The following RHOA variants were observed in gnomAD, a reference collection of about 807,000 sequenced individuals.
RHOA encodes transforming protein RhoA.
A neutral mutation model predicts 17.5 loss-of-function variants in RHOA; 3 were observed. That is an observed-to-expected ratio of 0.17 (90% CI 0.08 to 0.44). The LOEUF is 0.44. Ranked by LOEUF, RHOA falls within the 20% of genes least tolerant of loss-of-function variation. RHOA has a pLI of 0.99. For synonymous variants in RHOA, 98 were observed against 88.4 expected (o/e 1.11, Z -0.61); for missense variants, 56 against 242.3 (o/e 0.23, Z 5.10).
intron 3 of RHOA, among the ~76,000 whole-genome samples, chr3:49,364,042 C>T (rs141370781): frequency 5.9e-4 from 89 of 151,494 alleles, no homozygotes; most frequent in African/African-American, 2.0e-3. Flanking sequence ...CAAAGTGAGA[C>T]TTCATCTCTT....
chr3:49,380,583 G>C (rs2107859034), intron 1 of RHOA, among the ~76,000 whole-genome samples: 1 of 151,496 alleles, frequency 6.6e-6, no homozygotes. Flanking sequence ...GGTGAGGCAA[G>C]AGAATCGCTT....
At chr3:49,399,739 C>A (rs980230556) in intron 1 of RHOA, among the ~76,000 whole-genome samples, 1 of 152,080 alleles carries the variant, frequency 6.6e-6, no homozygotes, top group Non-Finnish European at 1.5e-5. Context: ...AGAAACACAA[C>A]AGGTACCTCT....
At chr3:49,365,327 T>C (rs2048038381) in intron 3 of RHOA, 1 of 151,830 alleles carries the variant, frequency 6.6e-6, no homozygotes, top group South Asian at 2.1e-4. Flanking sequence ...GTATTTTTAG[T>C]AGAGACAGGG....
chr3:49,400,009 G>A (rs913234912), intron 1 of RHOA, among the ~76,000 whole-genome samples: 15 of 151,576 alleles, frequency 9.9e-5, no homozygotes, highest in Admixed American at 3.3e-4. Context: ...TCAGGAGTTC[G>A]AGACCAGCCT....
At chr3:49,408,175 A>AT (rs1177222331) in intron 1 of RHOA, among the ~76,000 whole-genome samples, 52 of 146,590 alleles carry the variant, frequency 3.5e-4, no homozygotes, top group South Asian at 2.6e-3. Flanking sequence ...GAAAAAAAAA[A>AT]AAATATATAT....
In RHOA at chr3:49,411,957, G is replaced by T. The variant is rs980149011; in HGVS notation, c.-140C>A. ...AACCGACGGAGGACCGCGGGCGGCG[G>T]GAGGGTAGCGCGAGAGAGCGAGGGC... On this transcript the variant is annotated 5_prime_UTR_variant, in exon 1 of 5. Coordinates refer to ENST00000418115, the MANE Select transcript of RHOA (RefSeq NM_001664.4). The T allele has an allele frequency of 1.9e-3, 298 of 156,828 alleles. 2 individuals are homozygous for T. Among genetic ancestry groups the T allele is most frequent in the African/African-American group, 6.8e-3 (283 of 41,692 alleles). 9.7% of individuals were successfully genotyped at this position (156,828 alleles called of 1,614,324 possible).
intron 4 of RHOA, chr3:49,360,941 TG>T: frequency 2.7e-6 from 1 of 370,198 alleles, no homozygotes; most frequent in Non-Finnish European, 5.4e-6. Flanking sequence ...GGTGTGGTAG[TG>T]GGCGCCTGTA....
chr3:49,395,309 C>T (rs191232578), intron 1 of RHOA, among the ~76,000 whole-genome samples: 13 of 151,694 alleles, frequency 8.6e-5, no homozygotes, highest in African/African-American at 2.7e-4. Flanking sequence ...AAAGATGGGG[C>T]GATGGTTAGA....
intron 1 of RHOA, among the ~76,000 whole-genome samples, chr3:49,397,081 G>A (rs971112105): frequency 2.1e-5 from 3 of 143,932 alleles, no homozygotes; most frequent in African/African-American, 7.8e-5. Context: ...AGTGAGTAGT[G>A]ATCGAGACAC....
chr3:49,409,084 T>C (rs544795664), intron 1 of RHOA, among the ~76,000 whole-genome samples: 1 of 148,222 alleles, frequency 6.7e-6, no homozygotes, highest in South Asian at 2.2e-4. Flanking sequence ...CACCGCGCCC[T>C]GCCAGGATCC....
chr3:49,407,303 T>G (rs2048850048), intron 1 of RHOA, among the ~76,000 whole-genome samples: 1 of 135,980 alleles, frequency 7.4e-6, no homozygotes. Flanking sequence ...GCTCGATCTC[T>G]GCTCACAGCA....
intron 3 of RHOA, among the ~76,000 whole-genome samples, chr3:49,363,626 T>C (rs1418150049): frequency 6.6e-6 from 1 of 151,614 alleles, no homozygotes; most frequent in Non-Finnish European, 1.5e-5. Context: ...CTTAGGTGGG[T>C]GGATCACCAG....
chr3:49,359,920 T>C lies in RHOA; in HGVS notation c.*289A>G, dbSNP rs2047932705. 2.8e-6 allele frequency: 1 copy of C among 360,936 alleles called. No homozygotes were observed. The highest frequency in any genetic ancestry group is 5.9e-5 in the South Asian group (1 of 16,946). The allele number at this position is 360,936 out of a possible 1,614,324, so 22.4% of individuals were successfully genotyped here. A position where few individuals can be genotyped will look rare whatever the true frequency, so the allele number is the denominator to read the frequency against. The stretch of plus-strand genomic sequence containing the variant: ...CACAAAAGTTACCAACTGTTTCTCT[T>C]TCTAGAAAGAAGCAAGAAGTTAAGA... On this transcript the variant is annotated 3_prime_UTR_variant, in exon 5 of 5. Transcript: ENST00000418115.
intron 1 of RHOA, among the ~76,000 whole-genome samples, chr3:49,383,071 G>A (rs977024139): frequency 2.0e-5 from 3 of 150,772 alleles, no homozygotes; most frequent in Middle Eastern, 3.4e-3. Flanking sequence ...AAAAAAAAAA[G>A]AAAAAGAAAA....
chr3:49,373,927 T>C (rs977336393), intron 2 of RHOA, among the ~76,000 whole-genome samples: 1 of 150,758 alleles, frequency 6.6e-6, no homozygotes, highest in Non-Finnish European at 1.5e-5. Flanking sequence ...AAAAAAACCC[T>C]CCAATTTCAC....
intron 4 of RHOA, chr3:49,360,876 C>A: frequency 3.5e-6 from 1 of 289,766 alleles, no homozygotes; most frequent in South Asian, 2.6e-5. Flanking sequence ...GAGATCAAGA[C>A]CATCCTGGCC....
chr3:49,392,582 G>A (rs1259917890), intron 1 of RHOA, among the ~76,000 whole-genome samples: 4 of 152,126 alleles, frequency 2.6e-5, no homozygotes, highest in Non-Finnish European at 5.9e-5. Context: ...CTGAGCTCAA[G>A]TCATCTGCCT....
intron 1 of RHOA, among the ~76,000 whole-genome samples, chr3:49,388,590 C>G (rs2048441266): frequency 6.6e-6 from 1 of 152,140 alleles, no homozygotes; most frequent in South Asian, 2.1e-4. Context: ...TAATGAGCAA[C>G]TCTCCGCATT....
intron 1 of RHOA, among the ~76,000 whole-genome samples, chr3:49,390,682 CTCTG>C (rs773815058): frequency 5.3e-5 from 8 of 151,996 alleles, no homozygotes; most frequent in Admixed American, 2.6e-4. Context: ...TGGCTTAATC[CTCTG>C]TCTAATATTC....
Sources: allele counts gnomAD v4.1 joint callset (sites outside exome capture counted in the v4.1 genomes callset), GRCh38; gene constraint gnomAD v4.1.1; transcripts MANE v1.5; gene names NCBI Gene and HGNC (gene_info 2026-07-23, HGNC 2026-07-21).